BMP7: variants seen among roughly 807,000 people sequenced by gnomAD.
The protein encoded by BMP7 is osteogenic protein 1.
In BMP7, 12 loss-of-function variants were observed where a neutral mutation model predicts 41.2. That is an observed-to-expected ratio of 0.29 (90% confidence interval 0.19 to 0.47). The LOEUF (loss-of-function observed/expected upper bound fraction) is 0.47. Among genes scored for constraint, BMP7 ranks in the 20% least tolerant of loss-of-function variants. BMP7 has a pLI of 0.99. For missense variants in BMP7, 467 were observed against 606.0 expected, an observed-to-expected ratio of 0.77 and a Z score of 2.41; for synonymous variants, 248 against 250.0, an observed-to-expected ratio of 0.99 and a Z score of 0.07.
intron 2 of BMP7, among the ~76,000 whole-genome samples, chr20:57,221,811 C>CAAAA (rs57893562): frequency 3.1e-5 from 4 of 127,630 alleles, no homozygotes; most frequent in Non-Finnish European, 5.1e-5. Context: ...CCCTATCTCT[C>CAAAA]AAAAAAAAAA....
chr20:57,234,600 A>G (rs1254875211), intron 1 of BMP7, among the ~76,000 whole-genome samples: 1 of 152,206 alleles, frequency 6.6e-6, no homozygotes, highest in Non-Finnish European at 1.5e-5. Context: ...AACACACACA[A>G]GCCCAATTGT....
At chr20:57,182,285 T>G (rs927838) in intron 4 of BMP7, among the ~76,000 whole-genome samples, 150,657 of 152,308 alleles carry the variant, frequency 0.99, 74,534 homozygotes, top group East Asian at 1. Flanking sequence ...TGCCAGCAGG[T>G]CTGCTCCAGG....
intron 1 of BMP7, among the ~76,000 whole-genome samples, chr20:57,245,262 A>G (rs2066085300): frequency 6.6e-6 from 1 of 152,118 alleles, no homozygotes; most frequent in Admixed American, 6.5e-5. Flanking sequence ...ACACCCTTCA[A>G]ATTGCATGGT....
chr20:57,195,157 A>G (rs1984463254), intron 3 of BMP7, among the ~76,000 whole-genome samples: 1 of 152,214 alleles, frequency 6.6e-6, no homozygotes, highest in Admixed American at 6.5e-5. Context: ...AACTCTGCGG[A>G]AAGACCCTGG....
At chr20:57,231,321 A>T (rs1490392826) in intron 1 of BMP7, among the ~76,000 whole-genome samples, 1 of 152,232 alleles carries the variant, frequency 6.6e-6, no homozygotes, top group Non-Finnish European at 1.5e-5. Context: ...ATAGGCGTTC[A>T]GGGAGTTTCC....
intron 1 of BMP7, among the ~76,000 whole-genome samples, chr20:57,256,057 C>A (rs1264511444): frequency 6.6e-6 from 1 of 152,182 alleles, no homozygotes; most frequent in South Asian, 2.1e-4. Flanking sequence ...AGTCACTTTA[C>A]AAGTGGGAAT....
In BMP7 at chr20:57,266,238, C is replaced by T; in HGVS notation, c.-116G>A. 9.0e-7 allele frequency: 1 copy of T among 1,108,548 alleles called. No homozygotes were observed. The highest frequency in any genetic ancestry group is 1.2e-6 in the Non-Finnish European group (1 of 852,124). 68.7% of individuals were successfully genotyped at this position (1,108,548 alleles called of 1,614,324 possible). ...GGTCACTTGCTGCAGACGGGCCCCG[C>T]TGCGCCCGCGCCAGACATGGCCCCT... On this transcript the variant is annotated 5_prime_UTR_variant, in exon 1 of 7. Transcript: ENST00000395863.
At chr20:57,260,055 G>C (rs4811832) in intron 1 of BMP7, among the ~76,000 whole-genome samples, 89,961 of 151,960 alleles carry the variant, frequency 0.59, 29,585 homozygotes, top group African/African-American at 0.9. Context: ...GTGAACAAAC[G>C]CCCTTCCTCT....
intron 4 of BMP7, among the ~76,000 whole-genome samples, chr20:57,176,497 T>C (rs1388786318): frequency 2.0e-5 from 3 of 152,130 alleles, no homozygotes; most frequent in African/African-American, 4.8e-5. Context: ...GTGTCGCCCT[T>C]AGAGGTGTAG....
intron 2 of BMP7, among the ~76,000 whole-genome samples, chr20:57,212,639 T>C (rs1984920252): frequency 6.6e-6 from 1 of 152,208 alleles, no homozygotes; most frequent in Non-Finnish European, 1.5e-5. Context: ...GGCCAGAGCA[T>C]TCCCAGGCTA....
rs377648403 is a variant in BMP7 at position 57,174,756 on chromosome 20, G to A, written c.1035+175C>T. On this transcript the variant is annotated intron_variant, in intron 5 of 6. Coordinates refer to ENST00000395863, the MANE Select transcript of BMP7 (RefSeq NM_001719.3). The surrounding 1 kb of genome is among the most constrained non-coding windows in gnomAD (Gnocchi z 4.3). ...AAGTCTCAACCACATTTCTGCTCTC[G>A]GATTTCATGAGGCCTCCCTGTATCC... 6.6e-6 allele frequency among the ~76,000 whole-genome samples: 1 copy of A among 152,352 alleles called. No individual in the cohort carries two copies. The highest frequency in any genetic ancestry group is 3.4e-3 in the Middle Eastern group (1 of 294).
chr20:57,258,653 A>G (rs1427923098), intron 1 of BMP7, among the ~76,000 whole-genome samples: 1 of 152,218 alleles, frequency 6.6e-6, no homozygotes, highest in Non-Finnish European at 1.5e-5. Context: ...ATAACCATAG[A>G]TGCTAAAATT....
At chr20:57,183,247 A>ATG (rs1555811889) in intron 4 of BMP7, among the ~76,000 whole-genome samples, 8 of 151,626 alleles carry the variant, frequency 5.3e-5, no homozygotes, top group South Asian at 4.2e-4. Context: ...AAAAAAAAAA[A>ATG]TGTGTGTGTG....
At chr20:57,239,006 CT>C (rs1438800904) in intron 1 of BMP7, among the ~76,000 whole-genome samples, 1 of 152,146 alleles carries the variant, frequency 6.6e-6, no homozygotes, top group African/African-American at 2.4e-5. Context: ...CATTTCACCC[CT>C]GGCCCCTCCA....
intron 2 of BMP7, among the ~76,000 whole-genome samples, chr20:57,218,754 CGGTGGTAGCTGGTGTTTGTTT>C (rs1568719128): frequency 3.8e-5 from 4 of 104,388 alleles, no homozygotes; most frequent in African/African-American, 1.5e-4. Context: ...GGCATTTGTT[CGGTGGTAGCTGGTGTTTGTTT>C]GGTGGTAGCT....
intron 1 of BMP7, among the ~76,000 whole-genome samples, chr20:57,251,338 A>G (rs2066112776): frequency 1.3e-5 from 2 of 152,176 alleles, no homozygotes. Context: ...CTGCAGTCTG[A>G]CGGTCTGACT....
intron 1 of BMP7, among the ~76,000 whole-genome samples, chr20:57,241,203 G>GTGACC (rs1223682039): frequency 2.0e-5 from 3 of 152,190 alleles, no homozygotes; most frequent in Admixed American, 2.0e-4. Context: ...GGAGCTGCCA[G>GTGACC]TGACCTCTTA....
intron 2 of BMP7, among the ~76,000 whole-genome samples, chr20:57,210,624 G>T (rs947362126): frequency 1.3e-5 from 2 of 152,206 alleles, no homozygotes; most frequent in African/African-American, 4.8e-5. Context: ...GAGCGGAGTT[G>T]GGAGTCTGAG....
chr20:57,234,245 C>T (rs1354587547), intron 1 of BMP7, among the ~76,000 whole-genome samples: 1 of 152,170 alleles, frequency 6.6e-6, no homozygotes, highest in Non-Finnish European at 1.5e-5. Context: ...CACACATAGG[C>T]CTTCTTTTAT....
Sources: allele counts gnomAD v4.1 joint callset (sites outside exome capture counted in the v4.1 genomes callset), GRCh38; gene constraint gnomAD v4.1.1; non-coding constraint Gnocchi (gnomAD v3.1); transcripts MANE v1.5; gene names NCBI Gene and HGNC (gene_info 2026-07-23, HGNC 2026-07-21).